Variants in CNTN2 observed in about 807,000 individuals in gnomAD.
CNTN2 encodes the protein contactin-2.
In CNTN2, 53 loss-of-function variants were observed where a neutral mutation model predicts 117.5. That is an observed-to-expected ratio of 0.45 (90% CI 0.36 to 0.57). The LOEUF (loss-of-function observed/expected upper bound fraction) is 0.57, where lower values mean the gene tolerates loss of function less well. CNTN2 is among the 20% of genes least tolerant of loss of function. The probability of loss-of-function intolerance (pLI) is 0.00; values close to 1 mark genes in which losing one functional copy is unlikely to be tolerated. For synonymous variants in CNTN2, 530 were observed against 561.7 expected, an observed-to-expected ratio of 0.94 and a Z score of 0.80; for missense variants, 1,106 against 1,404.3, an observed-to-expected ratio of 0.79 and a Z score of 3.39.
Position 205,074,399 on chromosome 1 carries a change from G to C in CNTN2, c.*634G>C, listed in dbSNP as rs140623863. The C allele has an allele frequency of 2.0e-5, 8 of 400,072 alleles. No homozygotes were observed. The highest frequency in any genetic ancestry group is 3.5e-5 in the Non-Finnish European group (8 of 226,842). 24.8% of individuals were successfully genotyped at this position (400,072 alleles called of 1,614,324 possible). On this transcript the variant is annotated 3_prime_UTR_variant, in exon 23 of 23. Coordinates refer to ENST00000331830, the MANE Select transcript of CNTN2 (RefSeq NM_005076.5). Reference sequence around the variant, plus strand: ...CTGAGCCCCTTCAGCTTTGAGGGGGGTGATACTCCAGGCTGTTTGGGGTGG... The same window carrying C: ...CTGAGCCCCTTCAGCTTTGAGGGGGCTGATACTCCAGGCTGTTTGGGGTGG...
chr1:205,066,382 T>A, intron 14 of CNTN2, 59 bp from the exon 15 acceptor site: 1 of 1,582,386 alleles, frequency 6.3e-7, no homozygotes, highest in Non-Finnish European at 8.6e-7. Context: ...TGGGAGGAGG[T>A]TGGCTCAAAT....
At chr1:205,051,785 G>C (rs2096453432) in intron 1 of CNTN2, among the ~76,000 whole-genome samples, 1 of 152,194 alleles carries the variant, frequency 6.6e-6, no homozygotes, top group South Asian at 2.1e-4. Flanking sequence ...GTGGAGGGTT[G>C]AAAGGGTTTG....
At position 205,073,326 on chromosome 1, in the gene CNTN2, A is replaced by C. The variant is rs762802179; in HGVS notation, c.3013+90A>C. On this transcript the variant is annotated intron_variant, in intron 22 of 22. Coordinates refer to ENST00000331830, the MANE Select transcript of CNTN2 (RefSeq NM_005076.5). The surrounding 1 kb of genome is among the most constrained non-coding windows in gnomAD (Gnocchi z 6.3). ...ATCATTCCCACCCAGGCCAACTCCA[A>C]TCTCTACCCGCAAAGGAAAGTGGAA... 5.5e-6 allele frequency: 8 copies of C among 1,463,276 alleles called. No individual in the cohort carries two copies. Among genetic ancestry groups the C allele is most frequent in the Admixed American group, 1.9e-5 (1 of 52,894 alleles). The allele number at this position is 1,463,276 out of a possible 1,614,324, so 90.6% of individuals were successfully genotyped here.
In CNTN2 at chr1:205,072,448, G is replaced by A. The variant is rs753425880; in HGVS notation, c.2732-35G>A. 2.3e-5 allele frequency: 37 copies of A among 1,581,034 alleles called. No individual in the cohort carries two copies. The East Asian group carries it at 4.9e-4, about 21-fold the overall frequency. ...AGGGGGTGCGGGGTGCCAGGGAAAC[G>A]TTTGGACATCTCTCCAATTCTTCCT... On this transcript the variant is annotated intron_variant, in intron 20 of 22. Coordinates refer to ENST00000331830, the MANE Select transcript of CNTN2 (RefSeq NM_005076.5).
At chr1:205,054,189 G>A (rs1364884317) in intron 2 of CNTN2, among the ~76,000 whole-genome samples, 3 of 152,300 alleles carry the variant, frequency 2.0e-5, no homozygotes, top group East Asian at 3.9e-4. Flanking sequence ...GACTCTCCAT[G>A]GTCCTGGAGT....
chr1:205,070,105 T>A, intron 18 of CNTN2, 44 bp downstream of exon 18: 1 of 1,581,458 alleles, frequency 6.3e-7, no homozygotes, highest in South Asian at 1.1e-5. Context: ...CCCCAGCCAC[T>A]TGTCCACAGG....
rs1258117690 is a variant in CNTN2 at position 205,077,198 on chromosome 1, G to C, written c.*3433G>C. On this transcript the variant is annotated 3_prime_UTR_variant, in exon 23 of 23. Coordinates refer to ENST00000331830, the MANE Select transcript of CNTN2 (RefSeq NM_005076.5). The stretch of plus-strand genomic sequence containing the variant: ...TCTGTGGCCCTGCACCTTATGGGAA[G>C]CCATTAAGGGGGCTCATCTAGGAAT... The C allele has an allele frequency of 6.6e-6, 1 of 152,284 alleles. No individual in the cohort carries two copies. The highest frequency in any genetic ancestry group is 2.4e-5 in the African/African-American group (1 of 41,464). The allele number at this position is 152,284 out of a possible 1,614,324, so 9.4% of individuals were successfully genotyped here. A position where few individuals can be genotyped will look rare whatever the true frequency, so the allele number is the denominator to read the frequency against.
In CNTN2 at chr1:205,077,133, A is replaced by T. The variant is rs1654901768; in HGVS notation, c.*3368A>T. 6.6e-6 allele frequency: 1 copy of T among 152,232 alleles called. No individual in the cohort carries two copies. Among genetic ancestry groups the T allele is most frequent in the South Asian group, 2.1e-4 (1 of 4,834 alleles). The allele number at this position is 152,232 out of a possible 1,614,324, so 9.4% of individuals were successfully genotyped here. On this transcript the variant is annotated 3_prime_UTR_variant, in exon 23 of 23. Coordinates refer to ENST00000331830, the MANE Select transcript of CNTN2 (RefSeq NM_005076.5). ...TCCATCCAGAGATGAGACTCTTAGAATCAAAGTGTTCAGCCCAGGAAGTCT... is the reference window on the plus strand; with the variant it reads ...TCCATCCAGAGATGAGACTCTTAGATTCAAAGTGTTCAGCCCAGGAAGTCT...
rs1654793160 is a variant in CNTN2, at chr1:205,075,104, A to G, written c.*1339A>G. On this transcript the variant is annotated 3_prime_UTR_variant, in exon 23 of 23. Coordinates refer to ENST00000331830, the MANE Select transcript of CNTN2 (RefSeq NM_005076.5). ...CCCAAGGTCACACAGCCCAGAAGAG[A>G]TGGGGCTGGGTTAAGAACTCGAGTC... 1.0e-5 allele frequency: 4 copies of G among 393,366 alleles called. No individual in the cohort carries two copies. Among genetic ancestry groups the G allele is most frequent in the Non-Finnish European group, 1.8e-5 (4 of 223,340 alleles). 24.4% of individuals were successfully genotyped at this position (393,366 alleles called of 1,614,324 possible).
chr1:205,070,871 C>G, intron 19 of CNTN2: 1 of 173,400 alleles, frequency 5.8e-6, no homozygotes. Context: ...TGGCCCATGC[C>G]TGTAATCCCA....
Position 205,074,012 on chromosome 1 carries a change from T to C in CNTN2, c.*247T>C, listed in dbSNP as rs1222716789. 9 of 595,100 alleles carry C rather than the reference T, an allele frequency of 1.5e-5. No homozygotes were observed. The highest frequency in any genetic ancestry group is 2.7e-5 in the Non-Finnish European group (9 of 334,580). 36.9% of individuals were successfully genotyped at this position (595,100 alleles called of 1,614,324 possible). A position where few individuals can be genotyped will look rare whatever the true frequency, so the allele number is the denominator to read the frequency against. ...TAACTTCCATGATGACACTGACGCC[T>C]ATACCTGAGCTCTAGGCTGCCTGGA... On this transcript the variant is annotated 3_prime_UTR_variant, in exon 23 of 23. Transcript: ENST00000331830.
intron 19 of CNTN2, chr1:205,070,964 C>T (rs1162939115): frequency 1.3e-5 from 2 of 151,146 alleles, no homozygotes; most frequent in Non-Finnish European, 2.9e-5. Context: ...CCACTGCACT[C>T]CAGCCTGGGT....
At chr1:205,063,500 A>G (rs1654096276) in intron 10 of CNTN2, 1 of 152,106 alleles carries the variant, frequency 6.6e-6, no homozygotes, top group Non-Finnish European at 1.5e-5. Flanking sequence ...ATGGTAGCAC[A>G]CACGTGTAGT....
In CNTN2 at chr1:205,061,852, C is replaced by T. The variant is rs1389959235; in HGVS notation, c.974-13C>T. 2.7e-6 allele frequency: 4 copies of T among 1,502,288 alleles called. No individual in the cohort carries two copies. The highest frequency in any genetic ancestry group is 1.3e-5 in the South Asian group (1 of 74,410). The allele number at this position is 1,502,288 out of a possible 1,614,324, so 93.1% of individuals were successfully genotyped here. A position where few individuals can be genotyped will look rare whatever the true frequency, so the allele number is the denominator to read the frequency against. On this transcript the variant is annotated splice_polypyrimidine_tract_variant and intron_variant, in intron 8 of 22. Coordinates refer to ENST00000331830, the MANE Select transcript of CNTN2 (RefSeq NM_005076.5). This position sits in a 1 kb window ranked among gnomAD's most constrained non-coding sequence, Gnocchi z 4.8. ...CTAGCTCATGCCAGGTTTTCTTTTC[C>T]GGGCTCCCACAGCTCAGCCTGAGTG...
Position 205,053,296 on chromosome 1 carries a change from A to C in CNTN2, c.70+41A>C, listed in dbSNP as rs1210190902. ...TGGGCTTTGAAGCCTAGCAGGCATGATTATAGTGTTATATCCTTGCTATGA... is the reference window on the plus strand; with the variant it reads ...TGGGCTTTGAAGCCTAGCAGGCATGCTTATAGTGTTATATCCTTGCTATGA... On this transcript the variant is annotated intron_variant, in intron 2 of 22. Coordinates refer to ENST00000331830, the MANE Select transcript of CNTN2 (RefSeq NM_005076.5). 2.6e-6 allele frequency: 4 copies of C among 1,541,964 alleles called. No homozygotes were observed. The South Asian group carries it at 4.6e-5, about 18-fold the overall frequency.
At chr1:205,053,048 C>G (rs1490288160) in intron 1 of CNTN2, 52 bp from the exon 2 acceptor site, 4 of 541,722 alleles carry the variant, frequency 7.4e-6, no homozygotes, top group Non-Finnish European at 1.3e-5. Flanking sequence ...GTGCCTGGAG[C>G]TGGGAGGGGC....
intron 19 of CNTN2, 160 bp downstream of exon 19, chr1:205,070,698 A>C: frequency 1.7e-6 from 1 of 576,276 alleles, no homozygotes; most frequent in Non-Finnish European, 3.1e-6. Flanking sequence ...TGCAAATTTC[A>C]CTAAGACCCC....
At chr1:205,072,284 G>T (rs1314730719) in intron 20 of CNTN2, 151 bp downstream of exon 20, 5 of 891,092 alleles carry the variant, frequency 5.6e-6, no homozygotes, top group Non-Finnish European at 8.4e-6. Context: ...GGAAATAAGG[G>T]AATGGAATTC....
rs1360264392 is a variant in CNTN2 at position 205,074,171 on chromosome 1, G to T, written c.*406G>T. 1 of 462,690 alleles carries T rather than the reference G, an allele frequency of 2.2e-6. No homozygotes were observed. The highest frequency in any genetic ancestry group is 3.1e-5 in the East Asian group (1 of 32,510). The allele number at this position is 462,690 out of a possible 1,614,324, so 28.7% of individuals were successfully genotyped here. ...TAGGCCCGGCAGGAACACCAGACAT[G>T]AACAGGTTGAAGAACTGGAGCGAAG... is the stretch of plus-strand genomic sequence containing the variant. On this transcript the variant is annotated 3_prime_UTR_variant, in exon 23 of 23. Coordinates refer to ENST00000331830, the MANE Select transcript of CNTN2 (RefSeq NM_005076.5).
Sources: gnomAD v4.1 joint callset for allele counts (sites outside exome capture counted in the v4.1 genomes callset) on GRCh38, gnomAD v4.1.1 for gene constraint, Gnocchi (gnomAD v3.1) non-coding constraint, MANE v1.5 for transcripts, NCBI Gene and HGNC (gene_info 2026-07-23, HGNC 2026-07-21) for gene names.